The following ESR1 variants were observed in gnomAD, a reference collection of about 807,000 sequenced individuals.
ESR1 encodes estrogen receptor.
Under a neutral mutation model 52.7 loss-of-function variants are expected in ESR1, and 12 were observed. The observed-to-expected ratio is 0.23, with a 90% CI of 0.15 to 0.37. The LOEUF is 0.37. ESR1 is among the 10% of genes least tolerant of loss of function. The pLI is 1.00. For missense variants in ESR1, 584 were observed against 779.7 expected, an observed-to-expected ratio of 0.75 and a Z score of 2.99; for synonymous variants, 305 against 316.8, an observed-to-expected ratio of 0.96 and a Z score of 0.39.
chr6:151,982,264 T>C (rs1467807067), intron 4 of ESR1, among the ~76,000 whole-genome samples: 1 of 152,362 alleles, frequency 6.6e-6, no homozygotes, highest in African/African-American at 2.4e-5. Flanking sequence ...CACTTTAATG[T>C]GCTTCTGGGT....
intron 5 of ESR1, among the ~76,000 whole-genome samples, chr6:152,039,254 G>C (rs1241534713): frequency 6.6e-6 from 1 of 152,120 alleles, no homozygotes; most frequent in Non-Finnish European, 1.5e-5. Context: ...GTCCTGCCTG[G>C]ATCGAGTTGT....
At chr6:152,059,653 A>G (rs1285252500) in intron 5 of ESR1, among the ~76,000 whole-genome samples, 1 of 152,180 alleles carries the variant, frequency 6.6e-6, no homozygotes, top group Non-Finnish European at 1.5e-5. Flanking sequence ...TTTGAAAGCA[A>G]TGTTTGAACT....
chr6:151,899,603 G>A (rs1308904522), intron 3 of ESR1, among the ~76,000 whole-genome samples: 1 of 151,092 alleles, frequency 6.6e-6, no homozygotes, highest in African/African-American at 2.4e-5. Context: ...TCCCGGACGG[G>A]GTGGCTGCCG....
At chr6:152,057,668 A>G (rs1249656923) in intron 5 of ESR1, among the ~76,000 whole-genome samples, 2 of 147,752 alleles carry the variant, frequency 1.4e-5, no homozygotes, top group African/African-American at 2.6e-5. Flanking sequence ...CCCCCTCCAC[A>G]TTCCCTAAAG....
chr6:151,956,839 A>AATATATATAAAAATATATATAAAT (rs1439859098), intron 4 of ESR1, among the ~76,000 whole-genome samples: 102 of 114,232 alleles, frequency 8.9e-4, no homozygotes, highest in Non-Finnish European at 1.4e-3. Flanking sequence ...TATAAATATA[A>AATATATATAAAAATATATATAAAT]ATAAATATAT....
At chr6:152,115,274 C>T (rs867705724) in intron 6 of ESR1, among the ~76,000 whole-genome samples, 13 of 152,208 alleles carry the variant, frequency 8.5e-5, no homozygotes, top group Middle Eastern at 3.4e-3. Context: ...AAAATAGTTA[C>T]GCCATACTGA....
chr6:152,007,162 G>A (rs1048158743), intron 4 of ESR1, among the ~76,000 whole-genome samples: 3 of 152,000 alleles, frequency 2.0e-5, no homozygotes, highest in Admixed American at 1.3e-4. Context: ...GTAAAAGAGG[G>A]TGAGGCTTCA....
chr6:152,048,088 C>T (rs568066698), intron 5 of ESR1, among the ~76,000 whole-genome samples: 156 of 151,100 alleles, frequency 1.0e-3, no homozygotes, highest in Non-Finnish European at 1.8e-3. Flanking sequence ...GTCACTCCCT[C>T]GGCCTGGCGC....
intron 1 of ESR1, among the ~76,000 whole-genome samples, chr6:151,842,169 A>G (rs1463616111): frequency 6.6e-6 from 1 of 152,210 alleles, no homozygotes; most frequent in Non-Finnish European, 1.5e-5. Flanking sequence ...TGTGTTGTCC[A>G]TCAGTTCATC....
At chr6:151,730,480 C>A (rs965578836) in intron 2 of ESR1, among the ~76,000 whole-genome samples, 3 of 152,120 alleles carry the variant, frequency 2.0e-5, no homozygotes, top group Non-Finnish European at 4.4e-5. Flanking sequence ...TGAGTTCCAG[C>A]TTTTCCAGGT....
At chr6:151,671,381 C>T (rs1778053042) in intron 1 of ESR1, among the ~76,000 whole-genome samples, 1 of 152,186 alleles carries the variant, frequency 6.6e-6, no homozygotes, top group African/African-American at 2.4e-5. Flanking sequence ...TCACTTGTGA[C>T]AACGTAGATG....
rs9340809 is a variant in ESR1 at position 151,843,181 on chromosome 6, A to G, written c.643+394A>G. On this transcript the variant is annotated intron_variant, in intron 2 of 7. Transcript: ENST00000206249. ...ATCTGGTATATGCTGTTAATTGTCCATGCATAATTATCTCTCTACTCAGGC... is the reference window on the plus strand; with the variant it reads ...ATCTGGTATATGCTGTTAATTGTCCGTGCATAATTATCTCTCTACTCAGGC... Among the ~76,000 whole-genome samples, 469 of 152,294 alleles carry G rather than the reference A, an allele frequency of 3.1e-3. 2 individuals are homozygous for G. The highest frequency in any genetic ancestry group is 0.01 in the African/African-American group (421 of 41,576).
intron 3 of ESR1, among the ~76,000 whole-genome samples, chr6:151,918,832 A>T (rs1356552125): frequency 6.6e-6 from 1 of 152,364 alleles, no homozygotes; most frequent in East Asian, 1.9e-4. Context: ...TGGAGGGATA[A>T]AGCTGTAAAT....
At chr6:151,660,525 A>T (rs1777602746) in intron 1 of ESR1, among the ~76,000 whole-genome samples, 1 of 152,236 alleles carries the variant, frequency 6.6e-6, no homozygotes. Flanking sequence ...TCAAAATTTT[A>T]AGCACAAAAT....
At chr6:151,706,155 T>C (rs1481945232) in intron 2 of ESR1, among the ~76,000 whole-genome samples, 2 of 152,206 alleles carry the variant, frequency 1.3e-5, no homozygotes, top group Non-Finnish European at 2.9e-5. Flanking sequence ...CATGCACATA[T>C]AGATGTTTAC....
intron 2 of ESR1, among the ~76,000 whole-genome samples, chr6:151,728,152 C>T (rs1405062518): frequency 6.6e-6 from 1 of 152,210 alleles, no homozygotes; most frequent in Non-Finnish European, 1.5e-5. Flanking sequence ...TGCCAGTCCT[C>T]CCTCTTATGT....
At chr6:151,697,679 T>G (rs954420452) in intron 1 of ESR1, among the ~76,000 whole-genome samples, 34 of 152,262 alleles carry the variant, frequency 2.2e-4, no homozygotes, top group African/African-American at 6.8e-4. Flanking sequence ...ATAAGTCTTT[T>G]ATTTTTAACA....
Position 152,059,108 on chromosome 6 carries a change from T to G in ESR1, c.1236-1883T>G, listed in dbSNP as rs189280016. On this transcript the variant is annotated intron_variant, in intron 5 of 7. Coordinates refer to ENST00000206249, the MANE Select transcript of ESR1 (RefSeq NM_000125.4). ...GCCAAAATAAATCCCCAAAAATGGT[T>G]GCACAACATTGTGAATATACTGAAA... is the stretch of plus-strand genomic sequence containing the variant. Among the ~76,000 whole-genome samples the G allele has an allele frequency of 2.9e-4, 44 of 152,250 alleles. No homozygotes were observed. In the East Asian group the frequency reaches 4.6e-3, roughly 16 times the overall value.
At chr6:151,849,290 C>T (rs1168439291) in intron 2 of ESR1, among the ~76,000 whole-genome samples, 5 of 152,084 alleles carry the variant, frequency 3.3e-5, no homozygotes, top group African/African-American at 1.2e-4. Context: ...GCTATAGCTC[C>T]AGTGCTTTTA....
Sources: allele counts gnomAD v4.1 joint callset (sites outside exome capture counted in the v4.1 genomes callset), GRCh38; gene constraint gnomAD v4.1.1; transcripts MANE v1.5; gene names NCBI Gene and HGNC (gene_info 2026-07-23, HGNC 2026-07-21).